Variants in APOBEC3A observed in about 807,000 individuals in gnomAD.
APOBEC3A encodes DNA dC->dU-editing enzyme APOBEC-3A.
APOBEC3A carries 13 observed loss-of-function variants against 23.0 expected under a neutral mutation model. The observed-to-expected ratio is 0.57, with a 90% CI of 0.37 to 0.90. The LOEUF (loss-of-function observed/expected upper bound fraction) is 0.90, where lower values mean the gene tolerates loss of function less well. APOBEC3A is among the 40% of genes least tolerant of loss of function. The probability of loss-of-function intolerance (pLI) is 0.01; values close to 1 mark genes in which losing one functional copy is unlikely to be tolerated. For synonymous variants in APOBEC3A, 74 were observed against 101.3 expected (o/e 0.73, Z 1.62); for missense variants, 179 against 264.9 (o/e 0.68, Z 2.25).
chr22:38,961,574 G>C lies in APOBEC3A; in HGVS notation c.362G>C (p.Arg121Thr). The C allele has an allele frequency of 6.5e-7, 1 of 1,532,326 alleles. No homozygotes were observed. Among genetic ancestry groups the C allele is most frequent in the Non-Finnish European group, 8.9e-7 (1 of 1,118,666 alleles). 94.9% of individuals were successfully genotyped at this position (1,532,326 alleles called of 1,614,324 possible). A position where few individuals can be genotyped will look rare whatever the true frequency, so the allele number is the denominator to read the frequency against. ...TTCCTTCAGGAGAACACACACGTGAGACTGCGTATCTTCGCTGCCCGCATC... is the reference window on the plus strand; with the variant it reads ...TTCCTTCAGGAGAACACACACGTGACACTGCGTATCTTCGCTGCCCGCATC... ...RAFLQENTHVRLRIFAARIYD... is the reference protein window; with the variant it reads ...RAFLQENTHVTLRIFAARIYD... Residue 121 changes from arginine to threonine, a missense_variant, in exon 3 of 5, where the codon AGA becomes ACA. Transcript: ENST00000249116.
chr22:38,959,396 G>C (rs535618510), intron 1 of APOBEC3A, 146 bp from the exon 2 acceptor site: 2 of 914,620 alleles, frequency 2.2e-6, no homozygotes, highest in East Asian at 5.0e-5. Flanking sequence ...AGGGGTCAGA[G>C]GGGGAGGTTT....
Position 38,959,705 on chromosome 22 carries a change from C to G in APOBEC3A, c.174+19C>G. On this transcript the variant is annotated intron_variant, in intron 2 of 4. Coordinates refer to ENST00000249116, the MANE Select transcript of APOBEC3A (RefSeq NM_145699.4). ...CAACCAGGTGACCGACCCAGCCATCCGAATCCGGGCAGGGCCCTTCCAATC... is the reference window on the plus strand; with the variant it reads ...CAACCAGGTGACCGACCCAGCCATCGGAATCCGGGCAGGGCCCTTCCAATC... The G allele has an allele frequency of 6.2e-7, 1 of 1,610,464 alleles. No individual in the cohort carries two copies. Among genetic ancestry groups the G allele is most frequent in the Non-Finnish European group, 8.5e-7 (1 of 1,177,916 alleles).
intron 1 of APOBEC3A, among the ~76,000 whole-genome samples, chr22:38,958,069 T>C (rs2146269582): frequency 6.6e-6 from 1 of 152,340 alleles, no homozygotes; most frequent in Middle Eastern, 3.4e-3. Flanking sequence ...GTTCCATGTA[T>C]CTGGACTTGG....
rs1263245157 is a variant in APOBEC3A, at chr22:38,962,923, A to G, written c.*414A>G. 4.6e-5 allele frequency: 12 copies of G among 259,416 alleles called. No homozygotes were observed. Among genetic ancestry groups the G allele is most frequent in the Admixed American group, 1.1e-4 (2 of 18,218 alleles). 16.1% of individuals were successfully genotyped at this position (259,416 alleles called of 1,614,324 possible). A position where few individuals can be genotyped will look rare whatever the true frequency, so the allele number is the denominator to read the frequency against. On this transcript the variant is annotated 3_prime_UTR_variant, in exon 5 of 5. Coordinates refer to ENST00000249116, the MANE Select transcript of APOBEC3A (RefSeq NM_145699.4). ...CGGTGAGCCGAGATTGCGCTACTGC[A>G]CTCCAGCCTGGGCGACAGTACCAGA...
intron 3 of APOBEC3A, 37 bp downstream of exon 3, chr22:38,961,718 G>C (rs1569028950): frequency 2.4e-6 from 1 of 423,304 alleles, no homozygotes; most frequent in African/African-American, 2.2e-5. Context: ...GGGGTGGGTG[G>C]GGGCAGGAGA....
At chr22:38,957,926 C>A (rs1922642958) in intron 1 of APOBEC3A, among the ~76,000 whole-genome samples, 1 of 152,216 alleles carries the variant, frequency 6.6e-6, no homozygotes, top group South Asian at 2.1e-4. Flanking sequence ...TCTCCTTCCA[C>A]CTCCCGGGGC....
At chr22:38,959,437 G>A in intron 1 of APOBEC3A, 105 bp from the exon 2 acceptor site, 1 of 1,370,676 alleles carries the variant, frequency 7.3e-7, no homozygotes, top group East Asian at 2.3e-5. Context: ...GCGGAGCAGG[G>A]GGAAGGAGGG....
At chr22:38,959,474 A>T in intron 1 of APOBEC3A, 68 bp from the exon 2 acceptor site, 1 of 1,558,964 alleles carries the variant, frequency 6.4e-7, no homozygotes, top group Non-Finnish European at 8.8e-7. Flanking sequence ...AAGTGTGGGG[A>T]GGGAGGAGGA....
chr22:38,959,180 G>T (rs1922750771), intron 1 of APOBEC3A, among the ~76,000 whole-genome samples: 1 of 152,218 alleles, frequency 6.6e-6, no homozygotes, highest in Non-Finnish European at 1.5e-5. Flanking sequence ...GGAAGCCCCA[G>T]AGGGTCCATC....
chr22:38,962,830 C>G lies in APOBEC3A; in HGVS notation c.*321C>G. On this transcript the variant is annotated 3_prime_UTR_variant, in exon 5 of 5. Coordinates refer to ENST00000249116, the MANE Select transcript of APOBEC3A (RefSeq NM_145699.4). ...AAAATTAGCCAGGCGTGGTGGCGGGCGCCTGTAGTCCCAGCTACTCTGGAG... is the reference window on the plus strand; with the variant it reads ...AAAATTAGCCAGGCGTGGTGGCGGGGGCCTGTAGTCCCAGCTACTCTGGAG... The G allele has an allele frequency of 1.1e-5, 5 of 474,116 alleles. No homozygotes were observed. Among genetic ancestry groups the G allele is most frequent in the South Asian group, 6.8e-5 (3 of 43,808 alleles). 29.4% of individuals were successfully genotyped at this position (474,116 alleles called of 1,614,324 possible). A position where few individuals can be genotyped will look rare whatever the true frequency, so the allele number is the denominator to read the frequency against.
Position 38,959,588 on chromosome 22 carries a change from A to T in APOBEC3A, c.76A>T (p.Ile26Phe). 6.2e-7 allele frequency: 1 copy of T among 1,614,070 alleles called. No individual in the cohort carries two copies. Among genetic ancestry groups the T allele is most frequent in the South Asian group, 1.1e-5 (1 of 91,084 alleles). The change falls in exon 2 of 5, where the codon ATT (isoleucine) becomes TTT (phenylalanine). Residue 26 changes from isoleucine (I) to phenylalanine (F), a missense_variant. Coordinates refer to ENST00000249116, the MANE Select transcript of APOBEC3A (RefSeq NM_145699.4). ...ATTCACTTCCAACTTTAACAATGGC[A>T]TTGGAAGGCATAAGACCTACCTGTG... The part of the protein sequence containing the change: ...HIFTSNFNNG[I>F]GRHKTYLCYE...
At position 38,962,855 on chromosome 22, in the gene APOBEC3A, G is replaced by C. The variant is rs1922974430; in HGVS notation, c.*346G>C. 1 of 408,020 alleles carries C rather than the reference G, an allele frequency of 2.5e-6. No individual in the cohort carries two copies. The highest frequency in any genetic ancestry group is 2.1e-5 in the African/African-American group (1 of 48,574). 25.3% of individuals were successfully genotyped at this position (408,020 alleles called of 1,614,324 possible). A position where few individuals can be genotyped will look rare whatever the true frequency, so the allele number is the denominator to read the frequency against. ...CGCCTGTAGTCCCAGCTACTCTGGA[G>C]GCTGAGGCAGGAGAGTAGCGTGAAC... On this transcript the variant is annotated 3_prime_UTR_variant, in exon 5 of 5. Transcript: ENST00000249116.
In APOBEC3A at chr22:38,963,078, AATG is replaced by A. The variant is rs1264251825; in HGVS notation, c.*572_*574del. Reference sequence around the variant, plus strand: ...AATTTTCAATGTATTAATGAAATGAAATGATAATTTGGCTTCATATCTAGACTA... The same window carrying A: ...AATTTTCAATGTATTAATGAAATGAAATAATTTGGCTTCATATCTAGACTA... On this transcript the variant is annotated 3_prime_UTR_variant, in exon 5 of 5. Transcript: ENST00000249116. 6.4e-6 allele frequency: 1 copy of A among 155,598 alleles called. No individual in the cohort carries two copies. The highest frequency in any genetic ancestry group is 1.4e-5 in the Non-Finnish European group (1 of 71,082). The allele number at this position is 155,598 out of a possible 1,614,324, so 9.6% of individuals were successfully genotyped here.
At position 38,957,645 on chromosome 22, in the gene APOBEC3A, C is replaced by G; in HGVS notation, c.-47C>G. ...TCTTAACACCACGCCTTGAGCAAGT[C>G]GCAAGAGCGGGAGGACACAGACCAG... On this transcript the variant is annotated 5_prime_UTR_variant, in exon 1 of 5. Coordinates refer to ENST00000249116, the MANE Select transcript of APOBEC3A (RefSeq NM_145699.4). 1 of 1,605,416 alleles carries G rather than the reference C, an allele frequency of 6.2e-7. No homozygotes were observed. Among genetic ancestry groups the G allele is most frequent in the Non-Finnish European group, 8.5e-7 (1 of 1,175,280 alleles).
intron 3 of APOBEC3A, 41 bp from the exon 4 acceptor site, chr22:38,962,057 C>A (rs368614420): frequency 1.6e-4 from 259 of 1,583,176 alleles, no homozygotes; most frequent in Non-Finnish European, 2.2e-4. Context: ...CACCCCGATC[C>A]CACAGCGGGA....
intron 1 of APOBEC3A, 97 bp from the exon 2 acceptor site, chr22:38,959,445 G>A: frequency 2.8e-6 from 4 of 1,430,762 alleles, no homozygotes; most frequent in Non-Finnish European, 3.9e-6. Flanking sequence ...GGGGGAAGGA[G>A]GGTGGGGTGC....
At chr22:38,960,470 G>T (rs1321654337) in intron 2 of APOBEC3A, among the ~76,000 whole-genome samples, 2 of 152,128 alleles carry the variant, frequency 1.3e-5, no homozygotes, top group Non-Finnish European at 1.5e-5. Flanking sequence ...TGCTGATGGA[G>T]TCCCTCCCTG....
intron 1 of APOBEC3A, 56 bp from the exon 2 acceptor site, chr22:38,959,486 G>T (rs1346205031): frequency 1.9e-6 from 3 of 1,585,868 alleles, no homozygotes; most frequent in Non-Finnish European, 2.6e-6. Flanking sequence ...GGAGGAGGAG[G>T]CAGGGCAGTC....
intron 2 of APOBEC3A, among the ~76,000 whole-genome samples, chr22:38,960,221 C>A (rs1323914365): frequency 6.6e-6 from 1 of 152,218 alleles, no homozygotes; most frequent in Non-Finnish European, 1.5e-5. Context: ...TCCCTGGCCC[C>A]TACCCAGCAC....
Sources: gnomAD v4.1 joint callset for allele counts (sites outside exome capture counted in the v4.1 genomes callset) on GRCh38, gnomAD v4.1.1 for gene constraint, MANE v1.5 for transcripts, NCBI Gene and HGNC (gene_info 2026-07-23, HGNC 2026-07-21) for gene names.